Variants in SNTG1 observed in about 807,000 individuals in gnomAD.
The protein encoded by SNTG1 is syntrophin gamma 1.
Under a neutral mutation model 74.7 loss-of-function variants are expected in SNTG1, and 39 were observed. That is an observed-to-expected ratio of 0.52 (90% CI 0.40 to 0.68). The LOEUF (loss-of-function observed/expected upper bound fraction) is 0.68. Among genes scored for constraint, SNTG1 ranks in the 30% least tolerant of loss-of-function variants. The probability of loss-of-function intolerance (pLI) is 0.00; values close to 1 mark genes in which losing one functional copy is unlikely to be tolerated. For synonymous variants in SNTG1, 254 were observed against 217.1 expected (o/e 1.17, Z -1.49); for missense variants, 685 against 609.5 (o/e 1.12, Z -1.30).
chr8:50,175,854 T>C (rs1028780726), intron 2 of SNTG1, among the ~76,000 whole-genome samples: 21 of 152,202 alleles, frequency 1.4e-4, no homozygotes, highest in Non-Finnish European at 1.5e-5. Context: ...CTTTCTTAAA[T>C]ATATCTCTTT....
chr8:50,780,119 G>A (rs1363463935), intron 18 of SNTG1, among the ~76,000 whole-genome samples: 2 of 152,180 alleles, frequency 1.3e-5, no homozygotes, highest in Middle Eastern at 3.4e-3. Context: ...ATTTTATTGA[G>A]GATTTTTGCA....
intron 18 of SNTG1, among the ~76,000 whole-genome samples, chr8:50,783,050 T>G (rs2095664519): frequency 6.6e-6 from 1 of 152,084 alleles, no homozygotes; most frequent in South Asian, 2.1e-4. Context: ...TGCTGTCTGA[T>G]CGTTCCTCTG....
At chr8:50,127,313 C>A (rs1452947077) in intron 1 of SNTG1, among the ~76,000 whole-genome samples, 1 of 152,074 alleles carries the variant, frequency 6.6e-6, no homozygotes, top group Non-Finnish European at 1.5e-5. Context: ...TAAAATACAT[C>A]TTAGGAATAC....
chr8:49,966,319 A>G (rs528170826), intron 1 of SNTG1, among the ~76,000 whole-genome samples: 1 of 152,086 alleles, frequency 6.6e-6, no homozygotes, highest in Non-Finnish European at 1.5e-5. Flanking sequence ...TCAGTACTTT[A>G]AGTGTTTAGT....
intron 1 of SNTG1, among the ~76,000 whole-genome samples, chr8:49,945,493 C>A (rs1052883934): frequency 6.6e-6 from 1 of 152,154 alleles, no homozygotes; most frequent in Non-Finnish European, 1.5e-5. Flanking sequence ...GCAGTTGCCC[C>A]AGTAATGCTG....
In SNTG1 at chr8:50,636,940, T is replaced by C. The variant is rs141271285; in HGVS notation, c.850-19969T>C. On this transcript the variant is annotated intron_variant, in intron 13 of 18. Transcript: ENST00000642720. ...AACAGACTAAAACAGGTGTTCTTGA[T>C]TGGCAGTCAACTTCCCTCCATAGCA... 2.0e-3 allele frequency among the ~76,000 whole-genome samples: 298 copies of C among 152,276 alleles called. 1 individual carries two copies. Among genetic ancestry groups the C allele is most frequent in the African/African-American group, 6.4e-3 (266 of 41,564 alleles).
chr8:50,295,031 C>T (rs528589624), intron 2 of SNTG1, among the ~76,000 whole-genome samples: 1 of 152,248 alleles, frequency 6.6e-6, no homozygotes, highest in African/African-American at 2.4e-5. Flanking sequence ...GAATATTCAA[C>T]AGACAAACCA....
intron 1 of SNTG1, among the ~76,000 whole-genome samples, chr8:49,941,858 GTTTA>G (rs774291077): frequency 1.3e-5 from 2 of 152,170 alleles, no homozygotes; most frequent in Non-Finnish European, 2.9e-5. Context: ...ACCATTTTGT[GTTTA>G]TTTACTTGTT....
At chr8:50,164,092 CTTTTTTTTTTTTTTT>C (rs3086088) in intron 1 of SNTG1, 1 of 71,984 alleles carries the variant, frequency 1.4e-5, no homozygotes. Context: ...GACACAATTT[CTTTTTTTTTTTTTTT>C]TTTTTTTTTT....
chr8:50,408,837 T>C (rs1196855438), intron 4 of SNTG1, among the ~76,000 whole-genome samples: 1 of 152,076 alleles, frequency 6.6e-6, no homozygotes, highest in Admixed American at 6.6e-5. Context: ...GTGGTAAGTA[T>C]GTAAGGGCAG....
intron 18 of SNTG1, among the ~76,000 whole-genome samples, chr8:50,772,920 C>A (rs983721600): frequency 6.6e-6 from 1 of 152,100 alleles, no homozygotes; most frequent in Non-Finnish European, 1.5e-5. Flanking sequence ...CATGTGATCT[C>A]TTTGGACATG....
intron 5 of SNTG1, among the ~76,000 whole-genome samples, chr8:50,443,244 C>T (rs867401255): frequency 1.3e-5 from 2 of 152,074 alleles, no homozygotes; most frequent in Admixed American, 1.3e-4. Context: ...TCTAGCTGCA[C>T]ATTATTAAAT....
At chr8:50,532,524 G>GT (rs1554563112) in intron 10 of SNTG1, among the ~76,000 whole-genome samples, 1 of 152,190 alleles carries the variant, frequency 6.6e-6, no homozygotes, top group Non-Finnish European at 1.5e-5. Flanking sequence ...AAAATTCAAC[G>GT]TAAGTTGAGA....
chr8:50,185,556 C>G (rs2083349067), intron 2 of SNTG1, among the ~76,000 whole-genome samples: 1 of 152,060 alleles, frequency 6.6e-6, no homozygotes, highest in Non-Finnish European at 1.5e-5. Flanking sequence ...TGAGTAAGTT[C>G]CCACATAGAC....
intron 1 of SNTG1, among the ~76,000 whole-genome samples, chr8:50,147,193 C>T (rs1481122170): frequency 6.6e-6 from 1 of 152,048 alleles, no homozygotes; most frequent in Non-Finnish European, 1.5e-5. Flanking sequence ...CAAGAGTCAT[C>T]TAGTAAATTT....
chr8:50,127,589 G>T (rs768898438), intron 1 of SNTG1, among the ~76,000 whole-genome samples: 6 of 152,142 alleles, frequency 3.9e-5, no homozygotes, highest in African/African-American at 9.7e-5. Flanking sequence ...TGTAATAACT[G>T]CAGGGAAGCC....
chr8:50,597,290 T>TAC (rs1189153705), intron 13 of SNTG1, among the ~76,000 whole-genome samples: 1 of 150,022 alleles, frequency 6.7e-6, no homozygotes, highest in Non-Finnish European at 1.5e-5. Context: ...CATATATATA[T>TAC]ACACACACAT....
chr8:50,741,279 G>A (rs2095542707), intron 17 of SNTG1, among the ~76,000 whole-genome samples: 1 of 151,896 alleles, frequency 6.6e-6, no homozygotes, highest in South Asian at 2.1e-4. Flanking sequence ...TGTGCCACCA[G>A]TCCTGGCTAG....
At chr8:50,344,585 C>T (rs2091417694) in intron 2 of SNTG1, among the ~76,000 whole-genome samples, 1 of 152,224 alleles carries the variant, frequency 6.6e-6, no homozygotes, top group Non-Finnish European at 1.5e-5. Flanking sequence ...TTTACCACAT[C>T]TGCCCTCTGG....
Sources: allele counts gnomAD v4.1 joint callset (sites outside exome capture counted in the v4.1 genomes callset), GRCh38; gene constraint gnomAD v4.1.1; transcripts MANE v1.5; gene names NCBI Gene and HGNC (gene_info 2026-07-23, HGNC 2026-07-21).